The following UTP25 variants were observed in gnomAD, a reference collection of about 807,000 sequenced individuals.
The protein encoded by UTP25 is U3 small nucleolar RNA-associated protein 25 homolog.
In UTP25, 50 loss-of-function variants were observed where a neutral mutation model predicts 78.9. The ratio of observed to expected loss-of-function variants is 0.63; its 90% CI spans 0.50 to 0.80. UTP25 has a LOEUF of 0.80. Among genes scored for constraint, UTP25 ranks in the 30% least tolerant of loss-of-function variants. UTP25 has a pLI of 0.00. For missense variants in UTP25, 846 were observed against 911.3 expected, an observed-to-expected ratio of 0.93 and a Z score of 0.92; for synonymous variants, 329 against 336.5, an observed-to-expected ratio of 0.98 and a Z score of 0.24.
At chr1:209,840,144 A>G (rs1218240526) in intron 7 of UTP25, among the ~76,000 whole-genome samples, 1 of 152,234 alleles carries the variant, frequency 6.6e-6, no homozygotes, top group East Asian at 1.9e-4. Context: ...TGGAACATAT[A>G]TAGCTGTCCA....
At chr1:209,829,493 C>CT (rs201062436) in intron 1 of UTP25, among the ~76,000 whole-genome samples, 2,885 of 129,138 alleles carry the variant, frequency 0.022, 77 homozygotes, top group East Asian at 0.12. Flanking sequence ...TTTCTTTTTT[C>CT]TTTTTTTTGA....
intron 11 of UTP25, 121 bp downstream of exon 11, chr1:209,843,817 T>C (rs909490646): frequency 7.4e-7 from 1 of 1,351,210 alleles, no homozygotes; most frequent in Non-Finnish European, 1.0e-6. Flanking sequence ...CTCGCACTCT[T>C]ACAAAGTAGC....
chr1:209,834,574 G>A (rs1006761138), intron 4 of UTP25, among the ~76,000 whole-genome samples: 1 of 106,784 alleles, frequency 9.4e-6, no homozygotes, highest in Non-Finnish European at 2.2e-5. Flanking sequence ...GGCAGAGTAG[G>A]AGACTTGAGA....
At position 209,840,842 on chromosome 1, in the gene UTP25, GT is replaced by G; in HGVS notation, c.1283-7del. 1 of 1,611,956 alleles carries G rather than the reference GT, an allele frequency of 6.2e-7. No individual in the cohort carries two copies. The highest frequency in any genetic ancestry group is 1.1e-5 in the South Asian group (1 of 90,992). On this transcript the variant is annotated splice_polypyrimidine_tract_variant and intron_variant, in intron 7 of 11. Coordinates refer to ENST00000491415, the MANE Select transcript of UTP25 (RefSeq NM_014388.7). ...CTAATGAATTGGTGTGTACTTGGCT[GT>G]TTTGTGTAGGAGTGGCAATACTTCA... is the stretch of plus-strand genomic sequence containing the variant.
At chr1:209,838,739 G>A in intron 6 of UTP25, 170 bp from the exon 7 acceptor site, 1 of 712,932 alleles carries the variant, frequency 1.4e-6, no homozygotes, top group South Asian at 1.7e-5. Flanking sequence ...AAGGTGCTCA[G>A]TTTCTGGTGT....
In UTP25 at chr1:209,851,392, C is replaced by T; in HGVS notation, c.2216C>T (p.Ala739Val). Residue 739 changes from alanine (A) to valine (V), a missense_variant, in exon 12 of 12, where the codon GCA (alanine) becomes GTA (valine). Ala to Val is a moderately conservative substitution (Grantham distance 64, BLOSUM62 0). Transcript: ENST00000491415. ...GCCGTGGTTGGTGTGGAGCGGGCGG[C>T]ACAGATGCTACAGTCCAACAAGAAT... ...LAAVVGVERA[A>V]QMLQSNKNVH... 6.2e-6 allele frequency: 10 copies of T among 1,613,994 alleles called. No homozygotes were observed. Among genetic ancestry groups the T allele is most frequent in the Non-Finnish European group, 8.5e-6 (10 of 1,180,012 alleles).
intron 11 of UTP25, among the ~76,000 whole-genome samples, chr1:209,849,665 G>A (rs1331519553): frequency 6.6e-6 from 1 of 152,198 alleles, no homozygotes; most frequent in Non-Finnish European, 1.5e-5. Context: ...AGGGCTCCCA[G>A]TGCAGGCCTC....
Position 209,836,929 on chromosome 1 carries a change from C to A in UTP25, c.780C>A (p.Thr260=). ...QKPLESTWTK[T]NSQFLSGPQK... is the part of the protein sequence containing the mutation. ...CTCTGGAATCCACCTGGACTAAGAC[C>A]AACAGCCAGTTCCTATCTGGTCCCC... The change falls in exon 6 of 12, where the codon ACC becomes ACA. Residue 260 remains threonine, a synonymous_variant. Coordinates refer to ENST00000491415, the MANE Select transcript of UTP25 (RefSeq NM_014388.7). The A allele has an allele frequency of 1.2e-6, 2 of 1,614,064 alleles. No homozygotes were observed. The highest frequency in any genetic ancestry group is 1.7e-6 in the Non-Finnish European group (2 of 1,179,994).
At position 209,830,764 on chromosome 1, in the gene UTP25, A is replaced by G. The variant is rs764804334; in HGVS notation, c.148-39A>G. The G allele has an allele frequency of 1.1e-4, 177 of 1,603,602 alleles. 1 individual carries two copies. The highest frequency in any genetic ancestry group is 8.6e-5 in the Non-Finnish European group (101 of 1,175,030). On this transcript the variant is annotated intron_variant, in intron 2 of 11. Transcript: ENST00000491415. ...TAGTTTTAGGGTAACAATAAGAACAATATAGTTTTTGTTCTTAAAATTCTC... is the reference window on the plus strand; with the variant it reads ...TAGTTTTAGGGTAACAATAAGAACAGTATAGTTTTTGTTCTTAAAATTCTC...
chr1:209,846,395 GT>G (rs2078197073), intron 11 of UTP25, among the ~76,000 whole-genome samples: 3 of 152,116 alleles, frequency 2.0e-5, no homozygotes, highest in African/African-American at 7.2e-5. Flanking sequence ...TTATCAGTGG[GT>G]TTCCACAGCA....
Position 209,855,604 on chromosome 1 carries a change from T to A in UTP25, c.*4157T>A, listed in dbSNP as rs1231601420. On this transcript the variant is annotated 3_prime_UTR_variant, in exon 12 of 12. Transcript: ENST00000491415. ...CTCAGTACAGATGTCCCCTCACTGC[T>A]GGAAGAAACACCTGCCCTTGCTTGT... is the stretch of plus-strand genomic sequence containing the variant. 1 of 152,384 alleles carries A rather than the reference T, an allele frequency of 6.6e-6. No homozygotes were observed. Among genetic ancestry groups the A allele is most frequent in the Non-Finnish European group, 1.5e-5 (1 of 68,170 alleles). 9.4% of individuals were successfully genotyped at this position (152,384 alleles called of 1,614,324 possible).
At chr1:209,848,911 A>G (rs2078213497) in intron 11 of UTP25, among the ~76,000 whole-genome samples, 1 of 152,082 alleles carries the variant, frequency 6.6e-6, no homozygotes, top group Non-Finnish European at 1.5e-5. Context: ...TCAGGATTTG[A>G]TTGTTACTGT....
intron 11 of UTP25, among the ~76,000 whole-genome samples, chr1:209,847,676 T>G (rs1176835768): frequency 6.6e-6 from 1 of 152,248 alleles, no homozygotes; most frequent in African/African-American, 2.4e-5. Context: ...GTTAACTTAC[T>G]GCTTTTGTTT....
Position 209,833,396 on chromosome 1 carries a change from G to C in UTP25, c.562+38G>C, listed in dbSNP as rs368101477. On this transcript the variant is annotated intron_variant, in intron 4 of 11. Coordinates refer to ENST00000491415, the MANE Select transcript of UTP25 (RefSeq NM_014388.7). ...TGTGTGTTATTTGAATTCACCAGGT[G>C]CTTAGTATGGAATTTGTGTACTAAT... 375 of 1,484,708 alleles carry C rather than the reference G, an allele frequency of 2.5e-4. 2 individuals are homozygous for C. The highest frequency in any genetic ancestry group is 3.2e-4 in the Non-Finnish European group (353 of 1,115,676). The allele number at this position is 1,484,708 out of a possible 1,614,324, so 92.0% of individuals were successfully genotyped here. A position where few individuals can be genotyped will look rare whatever the true frequency, so the allele number is the denominator to read the frequency against.
intron 11 of UTP25, among the ~76,000 whole-genome samples, chr1:209,846,620 G>C (rs12410561): frequency 6.6e-6 from 1 of 152,192 alleles, no homozygotes; most frequent in East Asian, 1.9e-4. Flanking sequence ...TCGTGAAATA[G>C]ACATGTGGAA....
At position 209,833,173 on chromosome 1, in the gene UTP25, T is replaced by G; in HGVS notation, c.389-12T>G. On this transcript the variant is annotated splice_polypyrimidine_tract_variant and intron_variant, in intron 3 of 11. Transcript: ENST00000491415. ...AGTAAATAATTTTATAAAATGTTTC[T>G]CAAAACTGCAGATGTAGCTTTATCT... 1 of 1,601,544 alleles carries G rather than the reference T, an allele frequency of 6.2e-7. No individual in the cohort carries two copies. The highest frequency in any genetic ancestry group is 8.5e-7 in the Non-Finnish European group (1 of 1,176,316).
chr1:209,841,166 TG>T, intron 8 of UTP25, 111 bp downstream of exon 8: 1 of 1,166,140 alleles, frequency 8.6e-7, no homozygotes, highest in Non-Finnish European at 1.2e-6. Context: ...AACTCTTGTT[TG>T]GAAGCAAGGA....
In UTP25 at chr1:209,837,137, A is replaced by G. The variant is rs781638179; in HGVS notation, c.988A>G (p.Ser330Gly). 6.2e-7 allele frequency: 1 copy of G among 1,614,174 alleles called. No individual in the cohort carries two copies. The highest frequency in any genetic ancestry group is 8.5e-7 in the Non-Finnish European group (1 of 1,180,022). ...KANAQVLGNN[S>G]RRRSQKFGVG... Reference sequence around the variant, plus strand: ...CAATGCCCAGGTGCTTGGCAACAATAGCAGACGCCGAAGCCAGAAGTTTGG... The same window carrying G: ...CAATGCCCAGGTGCTTGGCAACAATGGCAGACGCCGAAGCCAGAAGTTTGG... The change falls in exon 6 of 12, where the codon AGC (serine) becomes GGC (glycine). Residue 330 changes from serine (S) to glycine (G), a missense_variant. By Grantham distance (56) the Ser-to-Gly change is moderately conservative. Transcript: ENST00000491415.
Position 209,828,110 on chromosome 1 carries a change from T to G in UTP25, c.47T>G (p.Leu16Arg). Reference protein sequence around the residue: ...SRSQSQLLNTLTKKQKKHLRD... With the variant: ...SRSQSQLLNTRTKKQKKHLRD... ...AGCCAGAGCCAGCTACTCAACACCC[T>G]AACTAAAAAGCAGAAGAAACATCTT... The change falls in exon 1 of 12, where the codon CTA becomes CGA. Residue 16 changes from leucine to arginine, a missense_variant. By Grantham distance (102) the Leu-to-Arg change is moderately radical. Coordinates refer to ENST00000491415, the MANE Select transcript of UTP25 (RefSeq NM_014388.7). 1 of 1,614,138 alleles carries G rather than the reference T, an allele frequency of 6.2e-7. No homozygotes were observed. The highest frequency in any genetic ancestry group is 8.5e-7 in the Non-Finnish European group (1 of 1,180,018).
Sources: allele counts gnomAD v4.1 joint callset (sites outside exome capture counted in the v4.1 genomes callset), GRCh38; gene constraint gnomAD v4.1.1; transcripts MANE v1.5; gene names NCBI Gene and HGNC (gene_info 2026-07-23, HGNC 2026-07-21).